Variants in FSIP1 observed in about 807,000 individuals in gnomAD.
FSIP1 encodes fibrous sheath-interacting protein 1.
FSIP1 carries 65 observed loss-of-function variants against 60.9 expected under a neutral mutation model. That is an observed-to-expected ratio of 1.07 (90% CI 0.87 to 1.31). The LOEUF (loss-of-function observed/expected upper bound fraction) is 1.31. FSIP1 is among the 40% of genes most tolerant of loss of function. The pLI, the probability that FSIP1 is intolerant of heterozygous loss-of-function variation, is 0.00. For synonymous variants in FSIP1, 209 were observed against 221.2 expected (o/e 0.94, Z 0.49); for missense variants, 675 against 665.5 (o/e 1.01, Z -0.16).
At position 39,666,946 on chromosome 15, in the gene FSIP1, C is replaced by T. The variant is rs1893518671; in HGVS notation, c.1188+46498G>A. Among the ~76,000 whole-genome samples the T allele has an allele frequency of 4.6e-5, 7 of 152,216 alleles. No homozygotes were observed. The South Asian group carries it at 1.4e-3, about 31-fold the overall frequency. ...AGCACACTTATGACTGTGAGGTTTA[C>T]ATCTGCTCTTGTAAGCAAACTCTAG... On this transcript the variant is annotated intron_variant, in intron 10 of 11. Transcript: ENST00000350221.
At chr15:39,717,595 A>T (rs1428302915) in intron 9 of FSIP1, among the ~76,000 whole-genome samples, 1 of 152,214 alleles carries the variant, frequency 6.6e-6, no homozygotes, top group African/African-American at 2.4e-5. Context: ...TCCCTTTTCA[A>T]TGGGAGTGTT....
chr15:39,745,264 C>T (rs189837291), intron 5 of FSIP1, among the ~76,000 whole-genome samples: 100 of 152,214 alleles, frequency 6.6e-4, no homozygotes, highest in African/African-American at 2.0e-3. Context: ...TATAGTAAAT[C>T]CTCTCTTAAT....
chr15:39,620,313 G>A (rs2140384909), intron 10 of FSIP1, among the ~76,000 whole-genome samples: 1 of 152,230 alleles, frequency 6.6e-6, no homozygotes, highest in East Asian at 1.9e-4. Context: ...AACAAGGGGT[G>A]TTTGCACTTT....
chr15:39,726,788 A>AT (rs897129600), intron 8 of FSIP1, 41 bp from the exon 9 acceptor site: 2 of 1,592,144 alleles, frequency 1.3e-6, no homozygotes, highest in African/African-American at 2.7e-5. Flanking sequence ...CTCAGGCTAT[A>AT]TTTTTGCCAA....
chr15:39,601,401 GAACTAAATTTTA>G (rs1336504129), intron 11 of FSIP1, among the ~76,000 whole-genome samples: 1 of 152,152 alleles, frequency 6.6e-6, no homozygotes, highest in African/African-American at 2.4e-5. Context: ...ATTGACAATA[GAACTAAATTTTA>G]AAAAGACAAA....
chr15:39,698,243 A>G (rs557536625), intron 10 of FSIP1, among the ~76,000 whole-genome samples: 2 of 150,720 alleles, frequency 1.3e-5, no homozygotes, highest in Non-Finnish European at 3.0e-5. Context: ...ACATGTCACA[A>G]TGATGTTTGA....
At chr15:39,639,686 A>G (rs1410493378) in intron 10 of FSIP1, among the ~76,000 whole-genome samples, 1 of 152,144 alleles carries the variant, frequency 6.6e-6, no homozygotes, top group Non-Finnish European at 1.5e-5. Flanking sequence ...GAGCATTTTT[A>G]CTGTTTAAAA....
chr15:39,615,586 T>C (rs1891196395), intron 11 of FSIP1, among the ~76,000 whole-genome samples: 1 of 151,968 alleles, frequency 6.6e-6, no homozygotes. Flanking sequence ...TTATAACAAC[T>C]ATTATCAAAA....
chr15:39,782,653 CT>C lies in FSIP1; in HGVS notation c.-34del, dbSNP rs1898318386. 6.6e-6 allele frequency: 1 copy of C among 152,504 alleles called. No homozygotes were observed. 9.4% of individuals were successfully genotyped at this position (152,504 alleles called of 1,614,324 possible). On this transcript the variant is annotated 5_prime_UTR_variant, in exon 1 of 12. Coordinates refer to ENST00000350221, the MANE Select transcript of FSIP1 (RefSeq NM_152597.5). ...CTTCCCGCCGGGCCTCCTCGAGGAA[CT>C]GGCCGCCGTCAGTCAGGGCGCAGAT...
At chr15:39,618,985 T>TG (rs1480620080) in intron 10 of FSIP1, among the ~76,000 whole-genome samples, 1 of 152,172 alleles carries the variant, frequency 6.6e-6, no homozygotes, top group East Asian at 1.9e-4. Context: ...GTGTCTTCCA[T>TG]GGTTTACATG....
chr15:39,669,074 C>T (rs1893615005), intron 10 of FSIP1, among the ~76,000 whole-genome samples: 1 of 152,124 alleles, frequency 6.6e-6, no homozygotes, highest in Non-Finnish European at 1.5e-5. Flanking sequence ...CAAGAAAGGC[C>T]TTTGTGCCCA....
At chr15:39,664,705 C>T (rs1441470485) in intron 10 of FSIP1, among the ~76,000 whole-genome samples, 2 of 152,042 alleles carry the variant, frequency 1.3e-5, no homozygotes, top group African/African-American at 4.8e-5. Flanking sequence ...AGTTACAAAC[C>T]TTGGAGCATC....
chr15:39,637,359 T>C (rs9972350), intron 10 of FSIP1, among the ~76,000 whole-genome samples: 24,574 of 152,196 alleles, frequency 0.16, 2,204 homozygotes, highest in African/African-American at 0.21. Context: ...GAGAAGGCTA[T>C]GGAAGGTACT....
At chr15:39,678,073 A>G (rs1161682319) in intron 10 of FSIP1, among the ~76,000 whole-genome samples, 3 of 152,114 alleles carry the variant, frequency 2.0e-5, no homozygotes, top group African/African-American at 4.8e-5. Flanking sequence ...TATGTCCAGT[A>G]TATTTAATAC....
intron 10 of FSIP1, among the ~76,000 whole-genome samples, chr15:39,647,565 A>G (rs1892669397): frequency 6.6e-6 from 1 of 151,826 alleles, no homozygotes. Flanking sequence ...GACTTGTGCT[A>G]CCCTTTCCAC....
At chr15:39,608,268 C>G (rs1890899179) in intron 11 of FSIP1, among the ~76,000 whole-genome samples, 1 of 152,186 alleles carries the variant, frequency 6.6e-6, no homozygotes, top group South Asian at 2.1e-4. Context: ...CTGGTATAAT[C>G]AGAGCCATGT....
intron 10 of FSIP1, among the ~76,000 whole-genome samples, chr15:39,673,434 C>T (rs1163433088): frequency 4.6e-5 from 7 of 152,182 alleles, no homozygotes; most frequent in Non-Finnish European, 8.8e-5. Context: ...CTGCCTCAGC[C>T]TCCCAAGTAG....
chr15:39,700,914 G>A (rs973211779), intron 10 of FSIP1, among the ~76,000 whole-genome samples: 1 of 152,172 alleles, frequency 6.6e-6, no homozygotes, highest in Non-Finnish European at 1.5e-5. Flanking sequence ...CACTTGGGGA[G>A]GCCGAGACAG....
At chr15:39,733,566 C>G (rs1896493982) in intron 8 of FSIP1, among the ~76,000 whole-genome samples, 1 of 152,148 alleles carries the variant, frequency 6.6e-6, no homozygotes, top group Non-Finnish European at 1.5e-5. Context: ...TCTACCTCTA[C>G]TACAAAAAAA....
Sources: allele counts gnomAD v4.1 joint callset (sites outside exome capture counted in the v4.1 genomes callset), GRCh38; gene constraint gnomAD v4.1.1; transcripts MANE v1.5; gene names NCBI Gene and HGNC (gene_info 2026-07-23, HGNC 2026-07-21).